The following DGCR2 variants were observed in gnomAD, a reference collection of about 807,000 sequenced individuals.
The protein encoded by DGCR2 is integral membrane protein DGCR2/IDD.
A neutral mutation model predicts 51.6 loss-of-function variants in DGCR2; 24 were observed. That is an observed-to-expected ratio of 0.47 (90% CI 0.34 to 0.65). The LOEUF is 0.65. Among genes scored for constraint, DGCR2 ranks in the 30% least tolerant of loss-of-function variants. The probability of loss-of-function intolerance (pLI) is 0.01; values close to 1 mark genes in which losing one functional copy is unlikely to be tolerated. For missense variants in DGCR2, 765 were observed against 772.1 expected, an observed-to-expected ratio of 0.99 and a Z score of 0.11; for synonymous variants, 340 against 315.4, an observed-to-expected ratio of 1.08 and a Z score of -0.82.
chr22:19,050,097 A>C (rs1214714252), intron 6 of DGCR2, among the ~76,000 whole-genome samples: 1 of 152,226 alleles, frequency 6.6e-6, no homozygotes, highest in Non-Finnish European at 1.5e-5. Flanking sequence ...AAATTCATTG[A>C]AAAACAATAA....
intron 2 of DGCR2, among the ~76,000 whole-genome samples, chr22:19,082,753 T>C (rs992418757): frequency 7.0e-6 from 1 of 141,940 alleles, no homozygotes; most frequent in Non-Finnish European, 1.5e-5. Context: ...CGAAACTCCA[T>C]CTCCAAAAAA....
At chr22:19,048,705 T>A (rs1338609015) in intron 6 of DGCR2, 62 bp from the exon 7 acceptor site, 13 of 1,554,194 alleles carry the variant, frequency 8.4e-6, no homozygotes, top group African/African-American at 1.4e-5. Flanking sequence ...CCTCCCCGTG[T>A]GGGCCACACT....
At chr22:19,085,015 A>G (rs1601257570) in intron 2 of DGCR2, among the ~76,000 whole-genome samples, 2 of 152,226 alleles carry the variant, frequency 1.3e-5, no homozygotes, top group Middle Eastern at 3.4e-3. Context: ...AAAGATTGAG[A>G]AATCGGATGG....
At chr22:19,040,735 C>T (rs1201691559) in intron 9 of DGCR2, among the ~76,000 whole-genome samples, 1 of 152,020 alleles carries the variant, frequency 6.6e-6, no homozygotes, top group Non-Finnish European at 1.5e-5. Flanking sequence ...CCACCACTGT[C>T]GGGCTCCCCA....
intron 6 of DGCR2, among the ~76,000 whole-genome samples, chr22:19,053,490 T>C (rs1012831124): frequency 1.3e-5 from 2 of 151,980 alleles, no homozygotes; most frequent in African/African-American, 4.8e-5. Flanking sequence ...TGAGGGCAAC[T>C]ACAGTGCCAA....
intron 1 of DGCR2, among the ~76,000 whole-genome samples, chr22:19,099,324 T>C (rs1015459000): frequency 6.6e-6 from 1 of 151,970 alleles, no homozygotes; most frequent in Non-Finnish European, 1.5e-5. Context: ...TCACGCCTGT[T>C]ACCCCAACAC....
intron 7 of DGCR2, 66 bp downstream of exon 7, chr22:19,048,374 A>G: frequency 6.3e-7 from 1 of 1,577,266 alleles, no homozygotes; most frequent in South Asian, 1.1e-5. Context: ...TGAGGAAGCA[A>G]AGGGACGCCC....
chr22:19,038,510 T>A lies in DGCR2; in HGVS notation c.*355A>T, dbSNP rs1034615. 4,611 of 287,820 alleles carry A rather than the reference T, an allele frequency of 0.016. 154 individuals carry two copies. Among genetic ancestry groups the A allele is most frequent in the East Asian group, 0.063 (645 of 10,214 alleles). 17.8% of individuals were successfully genotyped at this position (287,820 alleles called of 1,614,324 possible). A position where few individuals can be genotyped will look rare whatever the true frequency, so the allele number is the denominator to read the frequency against. On this transcript the variant is annotated 3_prime_UTR_variant, in exon 10 of 10. Transcript: ENST00000263196. Reference sequence around the variant, plus strand: ...TCTCTGGACAGCACACTGCACCAAGTAAGCCCACCAAAAACGCATCAGGTG... The same window carrying A: ...TCTCTGGACAGCACACTGCACCAAGAAAGCCCACCAAAAACGCATCAGGTG...
intron 8 of DGCR2, 178 bp from the exon 9 acceptor site, chr22:19,041,472 G>T: frequency 1.5e-6 from 1 of 652,232 alleles, no homozygotes; most frequent in African/African-American, 1.8e-5. Flanking sequence ...TGTGCTCCGT[G>T]GCATGTCTCA....
intron 2 of DGCR2, among the ~76,000 whole-genome samples, chr22:19,068,821 C>T (rs989013135): frequency 2.6e-5 from 4 of 152,270 alleles, no homozygotes; most frequent in African/African-American, 9.6e-5. Context: ...GGTCTCAGTG[C>T]ATGGCTAGAA....
At chr22:19,070,232 T>C (rs2082799039) in intron 2 of DGCR2, among the ~76,000 whole-genome samples, 1 of 152,030 alleles carries the variant, frequency 6.6e-6, no homozygotes, top group Admixed American at 6.6e-5. Context: ...CAGCACTTGG[T>C]GGAGAAGGGA....
intron 9 of DGCR2, 37 bp from the exon 10 acceptor site, chr22:19,039,158 C>A: frequency 6.2e-7 from 1 of 1,609,272 alleles, no homozygotes. Context: ...GAGGCAGGTA[C>A]GGGCCTGGCA....
intron 6 of DGCR2, among the ~76,000 whole-genome samples, chr22:19,055,026 G>C (rs2082586538): frequency 6.6e-6 from 1 of 152,140 alleles, no homozygotes; most frequent in Admixed American, 6.5e-5. Context: ...TGAGACAAGA[G>C]AACTGCCTGA....
At chr22:19,049,554 C>T (rs974696391) in intron 6 of DGCR2, among the ~76,000 whole-genome samples, 52 of 152,136 alleles carry the variant, frequency 3.4e-4, no homozygotes, top group South Asian at 1.7e-3. Flanking sequence ...CAGCTGGGCG[C>T]GGTGGCTCAC....
At chr22:19,043,656 G>A (rs2082457455) in intron 7 of DGCR2, among the ~76,000 whole-genome samples, 1 of 152,070 alleles carries the variant, frequency 6.6e-6, no homozygotes, top group African/African-American at 2.4e-5. Context: ...ACCCTGCTAA[G>A]CTAGGAATGG....
chr22:19,048,333 T>C (rs73384864), intron 7 of DGCR2, 107 bp downstream of exon 7: 35,308 of 1,171,882 alleles, frequency 0.03, 911 homozygotes, highest in Middle Eastern at 0.088. Flanking sequence ...TGCTGCGCGA[T>C]GCTCCATAAA....
At position 19,106,199 on chromosome 22, in the gene DGCR2, C is replaced by A. The variant is rs558180244; in HGVS notation, c.79+15929G>T. 3.9e-4 allele frequency among the ~76,000 whole-genome samples: 59 copies of A among 152,326 alleles called. No homozygotes were observed. The East Asian group carries it at 0.011, about 28-fold the overall frequency. On this transcript the variant is annotated intron_variant, in intron 1 of 9. Transcript: ENST00000263196. ...GAGGTGACCATCCTGCCCTGCCTATCCCTCCTGACTTCCACGGAGGTGATG... is the reference window on the plus strand; with the variant it reads ...GAGGTGACCATCCTGCCCTGCCTATACCTCCTGACTTCCACGGAGGTGATG...
intron 2 of DGCR2, among the ~76,000 whole-genome samples, chr22:19,075,680 C>A (rs1388710725): frequency 6.6e-6 from 1 of 152,180 alleles, no homozygotes; most frequent in Admixed American, 6.5e-5. Flanking sequence ...TGGAAACATA[C>A]AGTATTTGTT....
At chr22:19,119,368 G>GA (rs2083407116) in intron 1 of DGCR2, among the ~76,000 whole-genome samples, 1 of 152,156 alleles carries the variant, frequency 6.6e-6, no homozygotes, top group Admixed American at 6.5e-5. Context: ...GGGACCTCTT[G>GA]AGAGTTAACA....
Sources: allele counts gnomAD v4.1 joint callset (sites outside exome capture counted in the v4.1 genomes callset), GRCh38; gene constraint gnomAD v4.1.1; transcripts MANE v1.5; gene names NCBI Gene and HGNC (gene_info 2026-07-23, HGNC 2026-07-21).